The following TMEM132B variants were observed in gnomAD, a reference collection of about 807,000 sequenced individuals.
TMEM132B encodes transmembrane protein 132B.
TMEM132B carries 18 observed loss-of-function variants against 90.8 expected under a neutral mutation model. That is an observed-to-expected ratio of 0.20 (90% CI 0.14 to 0.29). The LOEUF is 0.29. Among genes scored for constraint, TMEM132B ranks in the 10% least tolerant of loss-of-function variants. TMEM132B has a pLI of 1.00. For missense variants in TMEM132B, 1,096 were observed against 1,326.8 expected (o/e 0.83, Z 2.70); for synonymous variants, 504 against 523.3 (o/e 0.96, Z 0.50).
chr12:125,357,981 C>A (rs929251816), intron 2 of TMEM132B, among the ~76,000 whole-genome samples: 1 of 152,176 alleles, frequency 6.6e-6, no homozygotes, highest in Non-Finnish European at 1.5e-5. Context: ...TGCGTTCTCC[C>A]GGTGCCCTGG....
intron 1 of TMEM132B, among the ~76,000 whole-genome samples, chr12:125,335,965 C>A (rs541796729): frequency 6.6e-6 from 1 of 151,990 alleles, no homozygotes. Context: ...CCAGCCTGGG[C>A]GACAGAGCAA....
chr12:125,262,251 A>G (rs1179114542), intron 1 of TMEM132B, among the ~76,000 whole-genome samples: 1 of 151,460 alleles, frequency 6.6e-6, no homozygotes, highest in Non-Finnish European at 1.5e-5. Flanking sequence ...TCTACAAAAA[A>G]AAAAAAAAAA....
At chr12:125,284,581 T>G (rs898818580) in intron 1 of TMEM132B, among the ~76,000 whole-genome samples, 1 of 152,236 alleles carries the variant, frequency 6.6e-6, no homozygotes, top group Non-Finnish European at 1.5e-5. Context: ...CGTAGCATTG[T>G]CTCTTTTTAA....
intron 1 of TMEM132B, among the ~76,000 whole-genome samples, chr12:125,298,894 C>T (rs1321158913): frequency 9.2e-5 from 14 of 151,452 alleles, no homozygotes; most frequent in South Asian, 2.1e-4. Context: ...CCACCACGCA[C>T]GGCTAATTTT....
At chr12:125,266,491 T>C (rs914137088) in intron 1 of TMEM132B, among the ~76,000 whole-genome samples, 1 of 152,240 alleles carries the variant, frequency 6.6e-6, no homozygotes, top group Non-Finnish European at 1.5e-5. Flanking sequence ...GTAATATATG[T>C]ACATGGTCAA....
At chr12:125,611,707 A>G (rs1885832005) in intron 5 of TMEM132B, among the ~76,000 whole-genome samples, 2 of 151,968 alleles carry the variant, frequency 1.3e-5, no homozygotes, top group South Asian at 4.2e-4. Context: ...ATATTTGTTA[A>G]TTTCTCAAGT....
In TMEM132B at chr12:125,458,653, G is replaced by A. The variant is rs1881358817; in HGVS notation, c.1106+42976G>A. On this transcript the variant is annotated intron_variant, in intron 3 of 8. Coordinates refer to ENST00000682704, the MANE Select transcript of TMEM132B (RefSeq NM_001366854.1). This position sits in a 1 kb window ranked among gnomAD's most constrained non-coding sequence, Gnocchi z 4.9. ...AATGAGACTCACATCCATGCGGCCA[G>A]CGTCCGTGTCCCCTGCCTCTGAGAA... Among the ~76,000 whole-genome samples, 1 of 152,188 alleles carries A rather than the reference G, an allele frequency of 6.6e-6. No homozygotes were observed. Among genetic ancestry groups the A allele is most frequent in the Non-Finnish European group, 1.5e-5 (1 of 68,034 alleles).
Position 125,519,083 on chromosome 12 carries a change from T to C in TMEM132B, c.1107-356T>C, listed in dbSNP as rs571532989. 9.8e-5 allele frequency among the ~76,000 whole-genome samples: 15 copies of C among 152,288 alleles called. No individual in the cohort carries two copies. The East Asian group carries it at 1.2e-3, about 12-fold the overall frequency. On this transcript the variant is annotated intron_variant, in intron 3 of 8. Transcript: ENST00000682704. ...AGCAGTGAAGCTACATGAAATGGCT[T>C]GGGGGCCTTTCCTGAGTGTGGAACT...
intron 1 of TMEM132B, among the ~76,000 whole-genome samples, chr12:125,211,649 A>G (rs1367763708): frequency 1.3e-5 from 2 of 152,250 alleles, no homozygotes; most frequent in Non-Finnish European, 2.9e-5. Flanking sequence ...GGCAGCATGC[A>G]CATTGCGACC....
intron 2 of TMEM132B, among the ~76,000 whole-genome samples, chr12:125,355,047 C>T (rs11058148): frequency 0.38 from 57,907 of 151,360 alleles, 11,437 homozygotes; most frequent in South Asian, 0.52. Context: ...TTGAGAGCCC[C>T]CACTTTAAAA....
intron 4 of TMEM132B, among the ~76,000 whole-genome samples, chr12:125,551,140 T>G (rs1019936342): frequency 1.3e-5 from 2 of 152,246 alleles, no homozygotes; most frequent in African/African-American, 4.8e-5. Context: ...TGTGTATTCT[T>G]GGGCCTTGTT....
At chr12:125,334,152 G>A (rs767826604) in intron 1 of TMEM132B, among the ~76,000 whole-genome samples, 1 of 152,108 alleles carries the variant, frequency 6.6e-6, no homozygotes, top group Non-Finnish European at 1.5e-5. Flanking sequence ...TCATTAGTAT[G>A]AATTTTACCA....
chr12:125,574,529 C>G (rs973214238), intron 4 of TMEM132B, among the ~76,000 whole-genome samples: 3 of 152,030 alleles, frequency 2.0e-5, no homozygotes, highest in Non-Finnish European at 4.4e-5. Context: ...TCAACTGACT[C>G]TACGGATTAG....
intron 2 of TMEM132B, among the ~76,000 whole-genome samples, chr12:125,361,092 G>A (rs1877942872): frequency 6.6e-6 from 1 of 152,064 alleles, no homozygotes; most frequent in Admixed American, 6.5e-5. Flanking sequence ...TGTCTAAGTG[G>A]ATTCTGGAAG....
intron 1 of TMEM132B, among the ~76,000 whole-genome samples, chr12:125,310,494 G>T (rs1319586913): frequency 6.6e-6 from 1 of 152,200 alleles, no homozygotes; most frequent in African/African-American, 2.4e-5. Context: ...AAGCTCCAGG[G>T]TTCACACAGT....
At chr12:125,344,553 C>T (rs757399785) in intron 1 of TMEM132B, among the ~76,000 whole-genome samples, 7 of 152,096 alleles carry the variant, frequency 4.6e-5, no homozygotes, top group Non-Finnish European at 5.9e-5. Context: ...GCAGTTTCTG[C>T]CAGTGAATGC....
At chr12:125,370,748 G>A (rs1308861566) in intron 2 of TMEM132B, among the ~76,000 whole-genome samples, 1 of 152,200 alleles carries the variant, frequency 6.6e-6, no homozygotes, top group Admixed American at 6.5e-5. Context: ...ATGGGTAATG[G>A]ATATTGGGTG....
In TMEM132B at chr12:125,498,438, G is replaced by A. The variant is rs1476751981; in HGVS notation, c.1107-21001G>A. Reference sequence around the variant, plus strand: ...TGCAGATCAGTCAGTTAAGCAAATAGCTTTTGTTGGCTGGAGACATCTAAC... The same window carrying A: ...TGCAGATCAGTCAGTTAAGCAAATAACTTTTGTTGGCTGGAGACATCTAAC... On this transcript the variant is annotated intron_variant, in intron 3 of 8. Coordinates refer to ENST00000682704, the MANE Select transcript of TMEM132B (RefSeq NM_001366854.1). The surrounding 1 kb of genome is among the most constrained non-coding windows in gnomAD (Gnocchi z 4.5). Among the ~76,000 whole-genome samples the A allele has an allele frequency of 6.6e-6, 1 of 152,202 alleles. No homozygotes were observed. Among genetic ancestry groups the A allele is most frequent in the Non-Finnish European group, 1.5e-5 (1 of 68,036 alleles).
chr12:125,572,229 G>A (rs1884815943), intron 4 of TMEM132B, among the ~76,000 whole-genome samples: 2 of 152,228 alleles, frequency 1.3e-5, no homozygotes, highest in African/African-American at 2.4e-5. Flanking sequence ...GCTATGGTCT[G>A]TGTGTGTCTC....
Sources: gnomAD v4.1 joint callset for allele counts (sites outside exome capture counted in the v4.1 genomes callset) on GRCh38, gnomAD v4.1.1 for gene constraint, Gnocchi (gnomAD v3.1) non-coding constraint, MANE v1.5 for transcripts, NCBI Gene and HGNC (gene_info 2026-07-23, HGNC 2026-07-21) for gene names.